RIMS1: variants seen among roughly 807,000 people sequenced by gnomAD.
RIMS1 encodes the protein regulating synaptic membrane exocytosis 1.
In RIMS1, 83 loss-of-function variants were observed where a neutral mutation model predicts 214.1. That is an observed-to-expected ratio of 0.39 (90% CI 0.32 to 0.47). The LOEUF is 0.47. Among genes scored for constraint, RIMS1 ranks in the 20% least tolerant of loss-of-function variants. The pLI is 0.99. For missense variants in RIMS1, 2,050 were observed against 2,161.8 expected (o/e 0.95, Z 1.03); for synonymous variants, 793 against 786.8 (o/e 1.01, Z -0.13).
chr6:71,972,996 A>C (rs866952747), intron 2 of RIMS1, among the ~76,000 whole-genome samples: 1 of 152,126 alleles, frequency 6.6e-6, no homozygotes, highest in Non-Finnish European at 1.5e-5. Context: ...GCTCACTGCA[A>C]CCTCTGCCTC....
intron 1 of RIMS1, among the ~76,000 whole-genome samples, chr6:71,902,238 G>C (rs1209878030): frequency 2.0e-5 from 3 of 152,048 alleles, no homozygotes; most frequent in Non-Finnish European, 4.4e-5. Context: ...CTCATCTTTT[G>C]AGAGTGAGGG....
chr6:71,924,807 CAAAAAAAA>C (rs10652071), intron 1 of RIMS1, among the ~76,000 whole-genome samples: 3 of 62,062 alleles, frequency 4.8e-5, no homozygotes. Flanking sequence ...ACCCTGTCTC[CAAAAAAAA>C]AAAAAAAAAA....
intron 29 of RIMS1, among the ~76,000 whole-genome samples, chr6:72,371,278 A>C (rs1422736484): frequency 6.6e-6 from 1 of 152,194 alleles, no homozygotes; most frequent in Non-Finnish European, 1.5e-5. Context: ...ATGCTATCAT[A>C]GGATTAATTA....
At position 72,019,224 on chromosome 6, in the gene RIMS1, A is replaced by G. The variant is rs556817841; in HGVS notation, c.245+50161A>G. Among the ~76,000 whole-genome samples, 19 of 152,314 alleles carry G rather than the reference A, an allele frequency of 1.2e-4. No homozygotes were observed. The South Asian group carries it at 3.7e-3, about 30-fold the overall frequency. On this transcript the variant is annotated intron_variant, in intron 2 of 33. Transcript: ENST00000521978. Reference sequence around the variant, plus strand: ...CAGATTTGTAGGTGTTTGTACATGTATACACGTGCTGTCAGTATAGTGTAA... The same window carrying G: ...CAGATTTGTAGGTGTTTGTACATGTGTACACGTGCTGTCAGTATAGTGTAA...
At chr6:72,394,039 A>AAG (rs2098743892) in intron 31 of RIMS1, among the ~76,000 whole-genome samples, 2 of 150,082 alleles carry the variant, frequency 1.3e-5, no homozygotes, top group Admixed American at 6.6e-5. Context: ...AAAAAAAAAA[A>AAG]AAAGATGGAA....
intron 29 of RIMS1, among the ~76,000 whole-genome samples, chr6:72,375,350 T>C (rs2098343239): frequency 6.6e-6 from 1 of 152,210 alleles, no homozygotes; most frequent in Non-Finnish European, 1.5e-5. Flanking sequence ...CTATACCTAC[T>C]AAATAATCTT....
Position 72,259,049 on chromosome 6 carries a change from C to T in RIMS1, c.2991C>T (p.Ser997=). ...SRSPTRHHDA[S]RSPVDHRTRD... Reference sequence around the variant, plus strand: ...CTCCAACCAGACACCATGATGCCTCCCGAAGTCCAGTTGATCATAGAACCA... The same window carrying T: ...CTCCAACCAGACACCATGATGCCTCTCGAAGTCCAGTTGATCATAGAACCA... The change falls in exon 18 of 34, where the codon TCC becomes TCT. Residue 997 remains serine, a synonymous_variant. Transcript: ENST00000521978. 6.2e-7 allele frequency: 1 copy of T among 1,612,172 alleles called. No homozygotes were observed. The highest frequency in any genetic ancestry group is 8.5e-7 in the Non-Finnish European group (1 of 1,178,498).
intron 4 of RIMS1, among the ~76,000 whole-genome samples, chr6:72,172,855 C>T (rs2463734): frequency 0.69 from 105,220 of 152,006 alleles, 36,867 homozygotes; most frequent in East Asian, 0.84. Flanking sequence ...AATTTTTGCT[C>T]CCAGAATCCT....
chr6:72,116,945 G>A (rs1418208451), intron 4 of RIMS1, among the ~76,000 whole-genome samples: 2 of 151,910 alleles, frequency 1.3e-5, no homozygotes, highest in East Asian at 1.9e-4. Context: ...AAATTCGTGT[G>A]TTTTTATTTA....
chr6:71,937,647 G>A (rs1368175034), intron 1 of RIMS1, among the ~76,000 whole-genome samples: 2 of 152,106 alleles, frequency 1.3e-5, no homozygotes, highest in Non-Finnish European at 2.9e-5. Context: ...GAGAGAGGGT[G>A]AGAGTACATG....
chr6:72,208,441 A>G, intron 6 of RIMS1, among the ~76,000 whole-genome samples: 1 of 152,214 alleles, frequency 6.6e-6, no homozygotes, highest in East Asian at 1.9e-4. Context: ...GTTACAAAGA[A>G]CAGGCAAATG....
chr6:72,379,257 C>T (rs1010612593), intron 29 of RIMS1, among the ~76,000 whole-genome samples: 3 of 152,204 alleles, frequency 2.0e-5, no homozygotes, highest in South Asian at 4.1e-4. Flanking sequence ...GCTGTTATGG[C>T]GACTCCTTTA....
At chr6:72,024,806 T>C (rs1323118583) in intron 2 of RIMS1, among the ~76,000 whole-genome samples, 2 of 151,822 alleles carry the variant, frequency 1.3e-5, no homozygotes, top group African/African-American at 4.8e-5. Flanking sequence ...AATTGAAATT[T>C]AGAACAACTG....
chr6:72,177,308 G>A (rs145729625), intron 4 of RIMS1, among the ~76,000 whole-genome samples: 6 of 152,314 alleles, frequency 3.9e-5, no homozygotes, highest in African/African-American at 1.4e-4. Flanking sequence ...CTGGAGAACA[G>A]TGGCGGGATC....
chr6:71,912,928 CA>C (rs1777349158), intron 1 of RIMS1, among the ~76,000 whole-genome samples: 1 of 152,028 alleles, frequency 6.6e-6, no homozygotes, highest in African/African-American at 2.4e-5. Flanking sequence ...TAAGTAAAAA[CA>C]AATGTGAAAA....
intron 29 of RIMS1, among the ~76,000 whole-genome samples, chr6:72,377,433 G>A (rs2098410074): frequency 6.6e-6 from 1 of 152,134 alleles, no homozygotes. Context: ...AGGGAACATG[G>A]GCTCTGAGTG....
intron 2 of RIMS1, among the ~76,000 whole-genome samples, chr6:72,060,426 C>T (rs1827567055): frequency 6.6e-6 from 1 of 152,164 alleles, no homozygotes. Context: ...TAATAAGCTT[C>T]CTCAGCTCCT....
intron 2 of RIMS1, among the ~76,000 whole-genome samples, chr6:72,018,081 T>C (rs1338597446): frequency 6.6e-6 from 1 of 152,096 alleles, no homozygotes; most frequent in South Asian, 2.1e-4. Context: ...TTGAACCATA[T>C]CACTGTAGCT....
intron 1 of RIMS1, among the ~76,000 whole-genome samples, chr6:71,893,754 G>T (rs1281094025): frequency 6.6e-6 from 1 of 152,160 alleles, no homozygotes; most frequent in African/African-American, 2.4e-5. Flanking sequence ...GCAAGAGGGG[G>T]TTATTCTGCA....
Sources: gnomAD v4.1 joint callset for allele counts (sites outside exome capture counted in the v4.1 genomes callset) on GRCh38, gnomAD v4.1.1 for gene constraint, MANE v1.5 for transcripts, NCBI Gene and HGNC (gene_info 2026-07-23, HGNC 2026-07-21) for gene names.